Variants in KCNC4 observed in about 807,000 individuals in gnomAD.
KCNC4 encodes voltage-gated potassium channel KCNC4.
Under a neutral mutation model 42.8 loss-of-function variants are expected in KCNC4, and 23 were observed. That is an observed-to-expected ratio of 0.54 (90% CI 0.39 to 0.76). The LOEUF (loss-of-function observed/expected upper bound fraction) is 0.76. Ranked by LOEUF, KCNC4 falls within the 30% of genes least tolerant of loss-of-function variation. KCNC4 has a pLI of 0.00. For missense variants in KCNC4, 751 were observed against 898.2 expected (o/e 0.84, Z 2.10); for synonymous variants, 422 against 393.5 (o/e 1.07, Z -0.86).
In KCNC4 at chr1:110,279,101, T is replaced by C. The variant is rs1002112214; in HGVS notation, n.31-3433T>C. The stretch of plus-strand genomic sequence containing the variant: ...AGTTGTGGGCTTTTCTTCCAGGATA[T>C]AAATGCAAGGAAAGGCTTGATGTGC... On this transcript the variant is annotated intron_variant and non_coding_transcript_variant, in intron 1 of 2. Coordinates refer to the KCNC4 transcript ENST00000412512. Among the ~76,000 whole-genome samples the C allele has an allele frequency of 2.6e-5, 4 of 152,298 alleles. No homozygotes were observed. The East Asian group carries it at 5.8e-4, about 22-fold the overall frequency.
At chr1:110,281,309 G>A (rs1456727199) in intron 1 of KCNC4, among the ~76,000 whole-genome samples, 2 of 152,048 alleles carry the variant, frequency 1.3e-5, no homozygotes, top group African/African-American at 4.8e-5. Flanking sequence ...AATTCACCCA[G>A]GAAATGATGT....
At chr1:110,244,813 T>A (rs1156626402) in exon 4 of KCNC4, 3 of 152,178 alleles carry the variant, frequency 2.0e-5, no homozygotes, top group Non-Finnish European at 4.4e-5. Context: ...GGGCCCGAAC[T>A]CCAGCCTCGC....
intron 1 of KCNC4, chr1:110,221,308 A>G (rs1474161173): frequency 6.6e-6 from 1 of 152,234 alleles, no homozygotes; most frequent in Non-Finnish European, 1.5e-5. Context: ...TTAAGCAAGT[A>G]TGTAACGTCT....
At position 110,279,542 on chromosome 1, in the gene KCNC4, A is replaced by C. The variant is rs952424259; in HGVS notation, n.31-2992A>C. On this transcript the variant is annotated intron_variant and non_coding_transcript_variant, in intron 1 of 2. Coordinates refer to the KCNC4 transcript ENST00000412512. ...CTAAAATTGGAATGGACTCCAATTCATAGCTTTCCATCTGGACTAATGCTG... is the reference window on the plus strand; with the variant it reads ...CTAAAATTGGAATGGACTCCAATTCCTAGCTTTCCATCTGGACTAATGCTG... Among the ~76,000 whole-genome samples the C allele has an allele frequency of 2.0e-5, 3 of 152,202 alleles. No individual in the cohort carries two copies. The East Asian group carries it at 5.8e-4, about 29-fold the overall frequency.
In KCNC4 at chr1:110,217,265, C is replaced by G. The variant is rs145473151; in HGVS notation, c.678+5088C>G. 2.0e-5 allele frequency among the ~76,000 whole-genome samples: 3 copies of G among 152,234 alleles called. No individual in the cohort carries two copies. The East Asian group carries it at 5.8e-4, about 29-fold the overall frequency. The stretch of plus-strand genomic sequence containing the variant: ...GAGGAGGAATCAATAAATCCCACCT[C>G]TACGTGGGATGAGGTGTAGGAGGTG... On this transcript the variant is annotated intron_variant, in intron 1 of 3. Coordinates refer to ENST00000438661, the MANE Select transcript of KCNC4 (RefSeq NM_001039574.3).
downstream of KCNC4, among the ~76,000 whole-genome samples, chr1:110,252,652 C>T (rs1404540079): frequency 1.3e-5 from 2 of 152,172 alleles, no homozygotes; most frequent in Non-Finnish European, 2.9e-5. Context: ...GGTACAATAT[C>T]ACATTCATTG....
intron 3 of KCNC4, chr1:110,232,486 T>TC (rs1413285500): frequency 2.1e-6 from 3 of 1,440,500 alleles, no homozygotes; most frequent in Non-Finnish European, 2.7e-6. Flanking sequence ...TCAGGAACTT[T>TC]CCCCACTGCC....
chr1:110,280,984 C>T (rs1659810728), intron 1 of KCNC4, among the ~76,000 whole-genome samples: 1 of 152,154 alleles, frequency 6.6e-6, no homozygotes, highest in Non-Finnish European at 1.5e-5. Context: ...ACAGTTGCAT[C>T]CCTGAGGACA....
chr1:110,232,113 G>C, intron 3 of KCNC4: 1 of 1,043,852 alleles, frequency 9.6e-7, no homozygotes, highest in Non-Finnish European at 1.4e-6. Context: ...GGGAAGGAAA[G>C]GCCCAGGTGG....
At chr1:110,268,643 A>G (rs1373444552) in intron 1 of KCNC4, among the ~76,000 whole-genome samples, 2 of 150,268 alleles carry the variant, frequency 1.3e-5, no homozygotes, top group African/African-American at 2.4e-5. Flanking sequence ...GAAAAGAAAA[A>G]AAAAGAAACC....
At position 110,212,220 on chromosome 1, in the gene KCNC4, G is replaced by A. The variant is rs1039307847; in HGVS notation, c.678+43G>A. 6.4e-6 allele frequency: 9 copies of A among 1,410,016 alleles called. No individual in the cohort carries two copies. In the East Asian group the frequency reaches 1.7e-4, roughly 26 times the overall value. 87.3% of individuals were successfully genotyped at this position (1,410,016 alleles called of 1,614,324 possible). A position where few individuals can be genotyped will look rare whatever the true frequency, so the allele number is the denominator to read the frequency against. Reference sequence around the variant, plus strand: ...GTGTCTCCCCATCTTGGGTCTGCAAGGGGTCCGTGGTGGGTGGTGGGTAGG... The same window carrying A: ...GTGTCTCCCCATCTTGGGTCTGCAAAGGGTCCGTGGTGGGTGGTGGGTAGG... On this transcript the variant is annotated intron_variant, in intron 1 of 3. Coordinates refer to ENST00000438661, the MANE Select transcript of KCNC4 (RefSeq NM_001039574.3).
intron 3 of KCNC4, among the ~76,000 whole-genome samples, chr1:110,231,712 C>T (rs1658703446): frequency 6.6e-6 from 1 of 152,140 alleles, no homozygotes; most frequent in Non-Finnish European, 1.5e-5. Flanking sequence ...TGCGTGTCCT[C>T]AGAAATGGGG....
chr1:110,254,455 T>C (rs1457058385), intron 1 of KCNC4, among the ~76,000 whole-genome samples: 1 of 152,208 alleles, frequency 6.6e-6, no homozygotes, highest in Admixed American at 6.5e-5. Flanking sequence ...AGAGTCATGG[T>C]CATTTTCCAT....
exon 4 of KCNC4, chr1:110,245,103 G>C (rs1659116341): frequency 6.6e-6 from 1 of 152,238 alleles, no homozygotes; most frequent in Non-Finnish European, 1.5e-5. Flanking sequence ...AAGGAACACA[G>C]CCCAGCCCAC....
intron 2 of KCNC4, chr1:110,225,162 C>G (rs765407782): frequency 1.3e-5 from 2 of 152,248 alleles, no homozygotes; most frequent in Non-Finnish European, 2.9e-5. Context: ...ACGTAGAAGT[C>G]CTTAGGTCAG....
At chr1:110,266,827 C>T (rs1659547721) in intron 1 of KCNC4, among the ~76,000 whole-genome samples, 1 of 152,170 alleles carries the variant, frequency 6.6e-6, no homozygotes, top group Non-Finnish European at 1.5e-5. Flanking sequence ...GTCTGTGTTC[C>T]CCGGACCCGA....
chr1:110,223,698 C>T lies in KCNC4; in HGVS notation c.1413C>T (p.Ile471=), dbSNP rs1658236486. Residue 471 remains isoleucine, a synonymous_variant, in exon 2 of 4, where the codon ATC becomes ATT. Coordinates refer to ENST00000438661, the MANE Select transcript of KCNC4 (RefSeq NM_001039574.3). This position sits in a 1 kb window ranked among gnomAD's most constrained non-coding sequence, Gnocchi z 7.5. ...CCATCGCCATGCCGGTGCCTGTCAT[C>T]GTCAACAACTTCGGCATGTACTACT... The part of the protein sequence containing the change: ...VLTIAMPVPV[I]VNNFGMYYSL... The T allele has an allele frequency of 2.5e-6, 4 of 1,614,094 alleles. No homozygotes were observed. The highest frequency in any genetic ancestry group is 2.5e-6 in the Non-Finnish European group (3 of 1,180,030).
rs1053746993 is a variant in KCNC4 at position 110,211,282 on chromosome 1, C to T, written c.-218C>T. On this transcript the variant is annotated 5_prime_UTR_variant, in exon 1 of 4. Coordinates refer to ENST00000438661, the MANE Select transcript of KCNC4 (RefSeq NM_001039574.3). This position sits in a 1 kb window ranked among gnomAD's most constrained non-coding sequence, Gnocchi z 6.5. ...TGCGCCTCCCTCTCTCCGGAGCTTCCTGCCCTAACCCCAACCACCTGTGTA... is the reference window on the plus strand; with the variant it reads ...TGCGCCTCCCTCTCTCCGGAGCTTCTTGCCCTAACCCCAACCACCTGTGTA... 10 of 640,344 alleles carry T rather than the reference C, an allele frequency of 1.6e-5. No individual in the cohort carries two copies. The highest frequency in any genetic ancestry group is 9.2e-5 in the African/African-American group (5 of 54,284). The allele number at this position is 640,344 out of a possible 1,614,324, so 39.7% of individuals were successfully genotyped here.
chr1:110,211,643 G>A lies in KCNC4; in HGVS notation c.144G>A (p.Glu48=). 1 of 1,613,766 alleles carries A rather than the reference G, an allele frequency of 6.2e-7. No homozygotes were observed. Among genetic ancestry groups the A allele is most frequent in the Non-Finnish European group, 8.5e-7 (1 of 1,179,928 alleles). ...IIINVGGTRH[E]TYRSTLRTLP... is the part of the protein sequence containing the mutation. Reference sequence around the variant, plus strand: ...TCAACGTGGGCGGCACGCGACATGAGACCTACCGCAGCACCCTGCGCACCC... The same window carrying A: ...TCAACGTGGGCGGCACGCGACATGAAACCTACCGCAGCACCCTGCGCACCC... Residue 48 remains glutamate (E), a synonymous_variant, in exon 1 of 4, where the codon GAG becomes GAA. Transcript: ENST00000438661. This position sits in a 1 kb window ranked among gnomAD's most constrained non-coding sequence, Gnocchi z 6.5.
Sources: gnomAD v4.1 joint callset for allele counts (sites outside exome capture counted in the v4.1 genomes callset) on GRCh38, gnomAD v4.1.1 for gene constraint, Gnocchi (gnomAD v3.1) non-coding constraint, MANE v1.5 for transcripts, NCBI Gene and HGNC (gene_info 2026-07-23, HGNC 2026-07-21) for gene names.